FBXO11: variants seen among roughly 807,000 people sequenced by gnomAD.
The protein encoded by FBXO11 is F-box protein 11, also known as F-box only protein 11.
A neutral mutation model predicts 117.0 loss-of-function variants in FBXO11; 13 were observed. The observed-to-expected ratio is 0.11, with a 90% CI of 0.07 to 0.18. FBXO11 has a LOEUF of 0.18. Among genes scored for constraint, FBXO11 ranks in the 10% least tolerant of loss-of-function variants. The pLI is 1.00. For missense variants in FBXO11, 767 were observed against 1,164.4 expected (o/e 0.66, Z 4.97); for synonymous variants, 490 against 380.5 (o/e 1.29, Z -3.35).
intron 22 of FBXO11, 23 bp downstream of exon 22, chr2:47,808,306 T>C (rs756773186): frequency 5.6e-6 from 9 of 1,612,564 alleles, no homozygotes; most frequent in South Asian, 5.5e-5. Context: ...TTGGGTAATA[T>C]ATCAAGCAAG....
intron 1 of FBXO11, among the ~76,000 whole-genome samples, chr2:47,855,991 G>C (rs1341064698): frequency 6.6e-6 from 1 of 151,864 alleles, no homozygotes; most frequent in Non-Finnish European, 1.5e-5. Flanking sequence ...CACACGTGCA[G>C]TTCCAGCTAC....
intron 1 of FBXO11, among the ~76,000 whole-genome samples, chr2:47,900,694 ATACACACACGTG>A (rs1458601054): frequency 0.016 from 1,624 of 100,462 alleles, 90 homozygotes; most frequent in African/African-American, 0.053. Flanking sequence ...ACACACACGT[ATACACACACGTG>A]TATATATATA....
chr2:47,869,643 G>C (rs187170079), intron 1 of FBXO11, among the ~76,000 whole-genome samples: 2 of 152,302 alleles, frequency 1.3e-5, no homozygotes, highest in Non-Finnish European at 1.5e-5. Context: ...GGCAAAAAGA[G>C]TACAGAATGG....
intron 1 of FBXO11, among the ~76,000 whole-genome samples, chr2:47,897,184 A>G (rs1040759050): frequency 4.6e-5 from 7 of 152,226 alleles, no homozygotes; most frequent in Admixed American, 2.0e-4. Flanking sequence ...AGAATCTCAT[A>G]AAGCCACATG....
At chr2:47,874,521 A>T (rs570413411) in intron 1 of FBXO11, among the ~76,000 whole-genome samples, 50 of 152,030 alleles carry the variant, frequency 3.3e-4, no homozygotes, top group African/African-American at 1.1e-3. Flanking sequence ...ACACACAAAC[A>T]CCGTACAAAA....
At chr2:47,866,335 C>T (rs1266028971) in intron 1 of FBXO11, among the ~76,000 whole-genome samples, 1 of 151,086 alleles carries the variant, frequency 6.6e-6, no homozygotes, top group Non-Finnish European at 1.5e-5. Context: ...TTCAAATACA[C>T]TCTATCTCAT....
chr2:47,905,353 C>A (rs1412642049), intron 1 of FBXO11, 136 bp downstream of exon 1: 3 of 928,610 alleles, frequency 3.2e-6, no homozygotes, highest in Non-Finnish European at 4.1e-6. Context: ...CACCGGGGGA[C>A]CCGCCTCCGC....
chr2:47,807,155 A>C lies in FBXO11; in HGVS notation c.*963T>G. ...TATGAAACTGTATAGGGCTGTATAT[A>C]TACTTGTCTCAGCTTAATGCAGGAA... On this transcript the variant is annotated 3_prime_UTR_variant, in exon 23 of 23. Transcript: ENST00000403359. The C allele has an allele frequency of 3.1e-6, 1 of 326,394 alleles. No individual in the cohort carries two copies. The highest frequency in any genetic ancestry group is 5.6e-6 in the Non-Finnish European group (1 of 177,270). The allele number at this position is 326,394 out of a possible 1,614,324, so 20.2% of individuals were successfully genotyped here.
rs1444106547 is a variant in FBXO11 at position 47,900,637 on chromosome 2, TACGTATATACAC to T, written c.232+4840_232+4851del. On this transcript the variant is annotated intron_variant, in intron 1 of 22. Transcript: ENST00000403359. ...GTATATACACACGTATACACACACGTACGTATATACACACGTATACACACACGTACGTATATA... is the reference window on the plus strand; with the variant it reads ...GTATATACACACGTATACACACACGTACGTATACACACACGTACGTATATA... 7.2e-5 allele frequency among the ~76,000 whole-genome samples: 2 copies of T among 27,642 alleles called. 1 individual carries two copies. Among genetic ancestry groups the T allele is most frequent in the African/African-American group, 2.7e-4 (2 of 7,456 alleles). The allele number at this position is 27,642 out of a possible 152,430, so 18.1% of individuals were successfully genotyped here. A position where few individuals can be genotyped will look rare whatever the true frequency, so the allele number is the denominator to read the frequency against.
chr2:47,837,164 T>C (rs1672647064), intron 4 of FBXO11: 1 of 171,836 alleles, frequency 5.8e-6, no homozygotes, highest in Non-Finnish European at 1.3e-5. Context: ...TCATTTCTGG[T>C]ACAGTGAGCA....
At chr2:47,863,940 C>CAA (rs35685068) in intron 1 of FBXO11, among the ~76,000 whole-genome samples, 22 of 94,040 alleles carry the variant, frequency 2.3e-4, no homozygotes, top group African/African-American at 7.5e-4. Flanking sequence ...GACTCTGTCT[C>CAA]AAAAAAAAAA....
At chr2:47,881,550 GTTTTA>G (rs1429530036) in intron 1 of FBXO11, among the ~76,000 whole-genome samples, 3 of 152,020 alleles carry the variant, frequency 2.0e-5, no homozygotes, top group South Asian at 2.1e-4. Flanking sequence ...TAGTGTTTTA[GTTTTA>G]TTTTAATGTT....
At chr2:47,875,134 G>GTTC (rs1197384846) in intron 1 of FBXO11, among the ~76,000 whole-genome samples, 1 of 152,018 alleles carries the variant, frequency 6.6e-6, no homozygotes, top group Admixed American at 6.6e-5. Flanking sequence ...CGATGACAAT[G>GTTC]TTCCGTATCT....
At chr2:47,844,401 G>C (rs1220128163) in intron 1 of FBXO11, among the ~76,000 whole-genome samples, 1 of 152,086 alleles carries the variant, frequency 6.6e-6, no homozygotes, top group African/African-American at 2.4e-5. Context: ...CTGGGTCTTT[G>C]TTTCAGATAT....
Position 47,900,602 on chromosome 2 carries a change from GTA to G in FBXO11, c.232+4885_232+4886del, listed in dbSNP as rs1553362050. Among the ~76,000 whole-genome samples the G allele has an allele frequency of 1.3e-4, 12 of 90,594 alleles. 1 individual carries two copies. The highest frequency in any genetic ancestry group is 4.6e-4 in the African/African-American group (10 of 21,834). 59.4% of individuals were successfully genotyped at this position (90,594 alleles called of 152,430 possible). On this transcript the variant is annotated intron_variant, in intron 1 of 22. Coordinates refer to ENST00000403359, the MANE Select transcript of FBXO11 (RefSeq NM_001190274.2). ...CACACATATATACGTATATACACAC[GTA>G]TACACACGTATATACACACGTATAC...
chr2:47,886,775 C>G (rs750404173), intron 1 of FBXO11, among the ~76,000 whole-genome samples: 7 of 151,950 alleles, frequency 4.6e-5, no homozygotes, highest in African/African-American at 1.7e-4. Flanking sequence ...ATAATACACA[C>G]AGTACGGTTT....
Position 47,885,596 on chromosome 2 carries a change from C to T in FBXO11, c.232+19893G>A, listed in dbSNP as rs117450236. On this transcript the variant is annotated intron_variant, in intron 1 of 22. Transcript: ENST00000403359. ...TCTCAAAAAAAGAAAAAAAAAAGAA[C>T]AATGTGTACATGAGTTTGTCTAAGG... Among the ~76,000 whole-genome samples the T allele has an allele frequency of 6.2e-4, 94 of 151,984 alleles. 4 individuals carry two copies. The East Asian group carries it at 0.017, about 27-fold the overall frequency.
intron 4 of FBXO11, chr2:47,836,932 C>T (rs2104840274): frequency 2.7e-6 from 1 of 376,216 alleles, no homozygotes; most frequent in Admixed American, 3.4e-5. Context: ...GAAATGAGGT[C>T]CCAGTATGTT....
chr2:47,816,825 T>C (rs1415369548), intron 16 of FBXO11, among the ~76,000 whole-genome samples: 1 of 152,196 alleles, frequency 6.6e-6, no homozygotes, highest in African/African-American at 2.4e-5. Context: ...TACTGTAAAT[T>C]CATGTGCTAT....
Sources: gnomAD v4.1 joint callset for allele counts (sites outside exome capture counted in the v4.1 genomes callset) on GRCh38, gnomAD v4.1.1 for gene constraint, MANE v1.5 for transcripts, NCBI Gene and HGNC (gene_info 2026-07-23, HGNC 2026-07-21) for gene names.